Variants in FSTL5 observed in about 807,000 individuals in gnomAD.
FSTL5 encodes follistatin like 5.
FSTL5 carries 62 observed loss-of-function variants against 89.1 expected under a neutral mutation model. That is an observed-to-expected ratio of 0.70 (90% confidence interval 0.57 to 0.86). The LOEUF (loss-of-function observed/expected upper bound fraction) is 0.86, where lower values mean the gene tolerates loss of function less well. Ranked by LOEUF, FSTL5 falls within the 40% of genes least tolerant of loss-of-function variation. The probability of loss-of-function intolerance (pLI) is 0.00; values close to 1 mark genes in which losing one functional copy is unlikely to be tolerated. For synonymous variants in FSTL5, 383 were observed against 346.2 expected, an observed-to-expected ratio of 1.11 and a Z score of -1.18; for missense variants, 1,057 against 1,001.6, an observed-to-expected ratio of 1.06 and a Z score of -0.75.
intron 7 of FSTL5, among the ~76,000 whole-genome samples, chr4:161,639,455 AG>A (rs1166079178): frequency 1.3e-5 from 2 of 152,198 alleles, no homozygotes; most frequent in African/African-American, 4.8e-5. Context: ...ATATGACCCA[AG>A]TGTCTAAAGG....
chr4:161,933,133 G>A (rs1734338183), intron 3 of FSTL5, among the ~76,000 whole-genome samples: 1 of 152,016 alleles, frequency 6.6e-6, no homozygotes, highest in Admixed American at 6.6e-5. Context: ...TGGCGGGTTA[G>A]GTATATATTT....
intron 3 of FSTL5, among the ~76,000 whole-genome samples, chr4:161,979,426 GTTA>G (rs1179687576): frequency 6.6e-6 from 1 of 152,042 alleles, no homozygotes; most frequent in East Asian, 1.9e-4. Flanking sequence ...ACTTGATTCA[GTTA>G]TTATCTTGTG....
intron 4 of FSTL5, among the ~76,000 whole-genome samples, chr4:161,839,028 A>C (rs909797585): frequency 2.6e-5 from 4 of 152,108 alleles, no homozygotes; most frequent in African/African-American, 9.6e-5. Flanking sequence ...TGGAGATAAA[A>C]CAAAATTTGT....
intron 4 of FSTL5, among the ~76,000 whole-genome samples, chr4:161,898,219 ATATTT>A (rs1345508686): frequency 1.3e-5 from 2 of 151,062 alleles, no homozygotes; most frequent in Non-Finnish European, 3.0e-5. Context: ...CAGTATATTT[ATATTT>A]TATTTTAACA....
rs139282025 is a variant in FSTL5, at chr4:161,681,141, C to CA, written c.728-24648dup. Among the ~76,000 whole-genome samples the CA allele has an allele frequency of 4.2e-3, 644 of 152,090 alleles. 2 individuals carry two copies. The highest frequency in any genetic ancestry group is 0.014 in the African/African-American group (585 of 41,516). ...TTCAGAAAAATAGCCTCTGAGTGTG[C>CA]ATGTGAATGTGTGATTTGAATATAA... On this transcript the variant is annotated intron_variant, in intron 6 of 15. Transcript: ENST00000306100.
At chr4:161,424,924 G>C (rs768334509) in intron 15 of FSTL5, among the ~76,000 whole-genome samples, 8 of 152,130 alleles carry the variant, frequency 5.3e-5, no homozygotes, top group Non-Finnish European at 1.2e-4. Flanking sequence ...TCAAATAACT[G>C]AATGTTAACC....
At chr4:162,129,740 AT>A (rs1166321996) in intron 1 of FSTL5, among the ~76,000 whole-genome samples, 8 of 152,230 alleles carry the variant, frequency 5.3e-5, no homozygotes, top group African/African-American at 1.9e-4. Context: ...AAATTAAACA[AT>A]TTTATTCTGT....
At chr4:162,099,260 A>G (rs2111377758) in intron 2 of FSTL5, among the ~76,000 whole-genome samples, 1 of 152,272 alleles carries the variant, frequency 6.6e-6, no homozygotes. Context: ...GAAAAGGAAA[A>G]TAATTGAAGA....
At chr4:161,461,727 T>C (rs568321534) in intron 13 of FSTL5, among the ~76,000 whole-genome samples, 31 of 152,250 alleles carry the variant, frequency 2.0e-4, no homozygotes, top group African/African-American at 7.5e-4. Context: ...TCAGTGCATA[T>C]ATAGCCCTAA....
At chr4:161,864,189 A>G (rs1357913727) in intron 4 of FSTL5, among the ~76,000 whole-genome samples, 1 of 152,192 alleles carries the variant, frequency 6.6e-6, no homozygotes, top group South Asian at 2.1e-4. Context: ...GAGAAGCCAC[A>G]AAATGATGTT....
chr4:161,900,513 C>T (rs546546518), intron 4 of FSTL5, among the ~76,000 whole-genome samples: 2 of 151,584 alleles, frequency 1.3e-5, no homozygotes, highest in African/African-American at 4.8e-5. Flanking sequence ...GTGGCAGGCA[C>T]CTGTAATCCC....
intron 4 of FSTL5, among the ~76,000 whole-genome samples, chr4:161,918,036 C>A (rs1233134265): frequency 6.6e-6 from 1 of 151,906 alleles, no homozygotes; most frequent in Admixed American, 6.6e-5. Flanking sequence ...GTTCTTTAAC[C>A]TAATATTTCG....
At chr4:161,428,933 G>C (rs1172058696) in intron 15 of FSTL5, among the ~76,000 whole-genome samples, 1 of 151,910 alleles carries the variant, frequency 6.6e-6, no homozygotes, top group African/African-American at 2.4e-5. Flanking sequence ...CTTGAGGTTT[G>C]GATTCTAGAT....
At chr4:161,812,517 AACACAC>A (rs3077014) in intron 4 of FSTL5, among the ~76,000 whole-genome samples, 2 of 151,220 alleles carry the variant, frequency 1.3e-5, no homozygotes, top group African/African-American at 2.4e-5. Flanking sequence ...AGTTAAGAAA[AACACAC>A]ACACACACAC....
At chr4:162,086,417 T>A (rs1660514034) in intron 2 of FSTL5, among the ~76,000 whole-genome samples, 1 of 151,776 alleles carries the variant, frequency 6.6e-6, no homozygotes, top group African/African-American at 2.4e-5. Context: ...TTTTCTCGAT[T>A]ATGTCTTGAC....
chr4:161,707,200 T>C (rs1738612221), intron 6 of FSTL5, among the ~76,000 whole-genome samples: 1 of 151,906 alleles, frequency 6.6e-6, no homozygotes. Flanking sequence ...CATTAAGAAT[T>C]ACATGGTAGC....
At chr4:162,034,542 G>A (rs1376531393) in intron 2 of FSTL5, among the ~76,000 whole-genome samples, 1 of 152,040 alleles carries the variant, frequency 6.6e-6, no homozygotes, top group South Asian at 2.1e-4. Context: ...TAGTTACCGG[G>A]CAACCCCAAA....
intron 1 of FSTL5, among the ~76,000 whole-genome samples, chr4:162,159,426 A>G (rs1263259677): frequency 6.6e-6 from 1 of 152,110 alleles, no homozygotes; most frequent in Non-Finnish European, 1.5e-5. Flanking sequence ...GAGTTGAAAT[A>G]ATATTCTATG....
chr4:161,889,589 A>G (rs1030164376), intron 4 of FSTL5, among the ~76,000 whole-genome samples: 2 of 152,334 alleles, frequency 1.3e-5, no homozygotes, highest in Non-Finnish European at 2.9e-5. Flanking sequence ...GGTTGCAGTG[A>G]GCCAAGATCG....
Sources: allele counts gnomAD v4.1 joint callset (sites outside exome capture counted in the v4.1 genomes callset), GRCh38; gene constraint gnomAD v4.1.1; transcripts MANE v1.5; gene names NCBI Gene and HGNC (gene_info 2026-07-23, HGNC 2026-07-21).